DPYSL5: variants seen among roughly 807,000 people sequenced by gnomAD.
The protein encoded by DPYSL5 is dihydropyrimidinase like 5, also known as dihydropyrimidinase-related protein 5.
In DPYSL5, 9 loss-of-function variants were observed where a neutral mutation model predicts 58.4. The ratio of observed to expected loss-of-function variants is 0.15; its 90% CI spans 0.09 to 0.27. DPYSL5 has a LOEUF of 0.27. Ranked by LOEUF, DPYSL5 falls within the 10% of genes least tolerant of loss-of-function variation. The probability of loss-of-function intolerance (pLI) is 1.00; values close to 1 mark genes in which losing one functional copy is unlikely to be tolerated. For missense variants in DPYSL5, 499 were observed against 770.6 expected (o/e 0.65, Z 4.17); for synonymous variants, 293 against 301.9 (o/e 0.97, Z 0.31).
At chr2:26,932,946 A>T (rs1456957434) in intron 6 of DPYSL5, among the ~76,000 whole-genome samples, 13 of 152,214 alleles carry the variant, frequency 8.5e-5, no homozygotes, top group African/African-American at 3.1e-4. Context: ...CCCCCTTTTA[A>T]ATTACAGTCA....
At position 26,942,546 on chromosome 2, in the gene DPYSL5, C is replaced by T; in HGVS notation, c.1236C>T (p.Thr412=). Residue 412 remains threonine, a synonymous_variant, in exon 11 of 13, where the codon ACC becomes ACT. Transcript: ENST00000288699. The surrounding 1 kb of genome is among the most constrained non-coding windows in gnomAD (Gnocchi z 5.9). The part of the protein sequence containing the change: ...VVVWDPEATK[T]ISASTQVQGG... ...CCCGCCATTGCCTCCCCACCAGGAC[C>T]ATCTCAGCCAGCACGCAGGTCCAGG... The T allele has an allele frequency of 1.2e-6, 2 of 1,613,820 alleles. No individual in the cohort carries two copies. Among genetic ancestry groups the T allele is most frequent in the Non-Finnish European group, 1.7e-6 (2 of 1,179,878 alleles).
At chr2:26,931,869 G>A (rs1040929486) in intron 6 of DPYSL5, among the ~76,000 whole-genome samples, 185 bp downstream of exon 6, 13 of 151,300 alleles carry the variant, frequency 8.6e-5, no homozygotes, top group South Asian at 2.1e-4. Context: ...TTAGCTGGGC[G>A]TGGTGGCGTG....
chr2:26,854,998 A>G (rs1665843877), intron 1 of DPYSL5, among the ~76,000 whole-genome samples: 2 of 151,746 alleles, frequency 1.3e-5, no homozygotes, highest in Admixed American at 1.3e-4. Context: ...TTGTATTTTT[A>G]GTAGAGACGG....
chr2:26,898,440 G>A lies in DPYSL5; in HGVS notation c.-4-56G>A, dbSNP rs552603261. Reference sequence around the variant, plus strand: ...ATTTGGGCTTTGATAGGAGGGATGGGAAACTGGAAACAGTGAGAAGGGACT... The same window carrying A: ...ATTTGGGCTTTGATAGGAGGGATGGAAAACTGGAAACAGTGAGAAGGGACT... On this transcript the variant is annotated intron_variant, in intron 1 of 12. Coordinates refer to ENST00000288699, the MANE Select transcript of DPYSL5 (RefSeq NM_020134.4). The surrounding 1 kb of genome is among the most constrained non-coding windows in gnomAD (Gnocchi z 6.1). The A allele has an allele frequency of 1.0e-3, 1,590 of 1,581,732 alleles. 16 individuals are homozygous for A. In the South Asian group the frequency reaches 0.01, roughly 10 times the overall value.
intron 1 of DPYSL5, among the ~76,000 whole-genome samples, chr2:26,866,582 T>C (rs760631671): frequency 2.0e-5 from 3 of 152,118 alleles, no homozygotes; most frequent in Non-Finnish European, 4.4e-5. Flanking sequence ...AAAGAAAAGA[T>C]AAAGTTTGAG....
chr2:26,907,334 G>A (rs866564014), intron 2 of DPYSL5, among the ~76,000 whole-genome samples: 9 of 151,916 alleles, frequency 5.9e-5, no homozygotes, highest in African/African-American at 2.2e-4. Flanking sequence ...GGCTAGTCTC[G>A]AACTCCTGAC....
rs1308784788 is a variant in DPYSL5 at position 26,942,401 on chromosome 2, G to C, written c.1233-142G>C. 3 of 979,848 alleles carry C rather than the reference G, an allele frequency of 3.1e-6. No individual in the cohort carries two copies. In the African/African-American group the frequency reaches 4.9e-5, roughly 16 times the overall value. The allele number at this position is 979,848 out of a possible 1,614,324, so 60.7% of individuals were successfully genotyped here. A position where few individuals can be genotyped will look rare whatever the true frequency, so the allele number is the denominator to read the frequency against. On this transcript the variant is annotated intron_variant, in intron 10 of 12. Transcript: ENST00000288699. The surrounding 1 kb of genome is among the most constrained non-coding windows in gnomAD (Gnocchi z 5.9). ...ATAGTGCCATGTTCTGAGGTTCTGG[G>C]TGTTAGAACTTCAGCAGAAGAATTT...
At chr2:26,932,145 A>AAGAAAG (rs1665025106) in intron 6 of DPYSL5, among the ~76,000 whole-genome samples, 2 of 50,132 alleles carry the variant, frequency 4.0e-5, no homozygotes, top group African/African-American at 7.4e-5. Context: ...AAGAGAAAGA[A>AAGAAAG]AGAAAGAAAG....
In DPYSL5 at chr2:26,940,183, T is replaced by C. The variant is rs145345704; in HGVS notation, c.1089+11T>C. On this transcript the variant is annotated intron_variant, in intron 9 of 12. Transcript: ENST00000288699. ...TGGGAGAGAGGAGTGGTATGTTTCC[T>C]AGAGCCCCGCCCCGATCTGATCCCT... 2.8e-4 allele frequency: 446 copies of C among 1,613,472 alleles called. 2 individuals carry two copies. The African/African-American group carries it at 5.4e-3, about 19-fold the overall frequency.
intron 2 of DPYSL5, among the ~76,000 whole-genome samples, chr2:26,903,175 T>A (rs1456001397): frequency 6.6e-6 from 1 of 152,084 alleles, no homozygotes; most frequent in African/African-American, 2.4e-5. Context: ...GTTCACACGA[T>A]TCTCATGCCT....
intron 2 of DPYSL5, among the ~76,000 whole-genome samples, chr2:26,903,974 A>G (rs755958287): frequency 2.0e-5 from 3 of 152,248 alleles, no homozygotes; most frequent in African/African-American, 2.4e-5. Flanking sequence ...TGTCTGTGCC[A>G]GAGGCTATCT....
chr2:26,852,082 G>T (rs1665770908), intron 1 of DPYSL5, among the ~76,000 whole-genome samples: 1 of 152,180 alleles, frequency 6.6e-6, no homozygotes, highest in Admixed American at 6.5e-5. Context: ...GTTTCTGATA[G>T]AATCTGATCT....
At chr2:26,869,796 A>C (rs1444467950) in intron 1 of DPYSL5, among the ~76,000 whole-genome samples, 1 of 152,006 alleles carries the variant, frequency 6.6e-6, no homozygotes, top group Non-Finnish European at 1.5e-5. Context: ...CGGATCACGA[A>C]GTCAGGAGAT....
chr2:26,861,228 G>A (rs146682958), intron 1 of DPYSL5, among the ~76,000 whole-genome samples: 1 of 152,266 alleles, frequency 6.6e-6, no homozygotes, highest in East Asian at 1.9e-4. Flanking sequence ...CAGGAAGTAG[G>A]TATGACCCAT....
Position 26,927,185 on chromosome 2 carries a change from C to T in DPYSL5, c.421-68C>T, listed in dbSNP as rs555454067. On this transcript the variant is annotated intron_variant, in intron 3 of 12. Coordinates refer to ENST00000288699, the MANE Select transcript of DPYSL5 (RefSeq NM_020134.4). The surrounding 1 kb of genome is among the most constrained non-coding windows in gnomAD (Gnocchi z 4.3). ...GCCCCACATCTCCCCCATGCTGGGC[C>T]GGTGCCTGCCAGTCGGCCTCTTGGG... 174 of 1,500,594 alleles carry T rather than the reference C, an allele frequency of 1.2e-4. No homozygotes were observed. The highest frequency in any genetic ancestry group is 1.1e-3 in the Admixed American group (54 of 50,102). 93.0% of individuals were successfully genotyped at this position (1,500,594 alleles called of 1,614,324 possible). A position where few individuals can be genotyped will look rare whatever the true frequency, so the allele number is the denominator to read the frequency against.
intron 1 of DPYSL5, among the ~76,000 whole-genome samples, chr2:26,894,554 G>A (rs958411926): frequency 1.3e-5 from 2 of 152,162 alleles, no homozygotes; most frequent in Non-Finnish European, 2.9e-5. Flanking sequence ...TGTTTGTTGA[G>A]GCCTTCTGTT....
chr2:26,942,222 G>A lies in DPYSL5; in HGVS notation c.1232+130G>A. ...AAAATATGGCCCTGGCCTACCGTTG[G>A]CCATCTTCTCCCTCCATCTTCACAC... On this transcript the variant is annotated intron_variant, in intron 10 of 12. Transcript: ENST00000288699. The surrounding 1 kb of genome is among the most constrained non-coding windows in gnomAD (Gnocchi z 5.9). 7.4e-7 allele frequency: 1 copy of A among 1,357,360 alleles called. No homozygotes were observed. Among genetic ancestry groups the A allele is most frequent in the Non-Finnish European group, 1.0e-6 (1 of 996,702 alleles). The allele number at this position is 1,357,360 out of a possible 1,614,324, so 84.1% of individuals were successfully genotyped here. A position where few individuals can be genotyped will look rare whatever the true frequency, so the allele number is the denominator to read the frequency against.
chr2:26,940,219 C>G (rs776492292), intron 9 of DPYSL5, 47 bp downstream of exon 9: 2 of 1,601,462 alleles, frequency 1.2e-6, no homozygotes, highest in African/African-American at 2.7e-5. Context: ...GCTCTAATCC[C>G]CGTTTCATCC....
At chr2:26,896,077 C>T (rs1187482412) in intron 1 of DPYSL5, among the ~76,000 whole-genome samples, 1 of 151,988 alleles carries the variant, frequency 6.6e-6, no homozygotes, top group African/African-American at 2.4e-5. Context: ...CGCACCCAGC[C>T]TCTGTTCTCT....
Sources: gnomAD v4.1 joint callset for allele counts (sites outside exome capture counted in the v4.1 genomes callset) on GRCh38, gnomAD v4.1.1 for gene constraint, Gnocchi (gnomAD v3.1) non-coding constraint, MANE v1.5 for transcripts, NCBI Gene and HGNC (gene_info 2026-07-23, HGNC 2026-07-21) for gene names.